Variants in TOM1L1 observed in about 807,000 individuals in gnomAD.
TOM1L1 encodes target of myb1 like 1 membrane trafficking protein, also known as TOM1-like protein 1.
In TOM1L1, 64 loss-of-function variants were observed where a neutral mutation model predicts 63.4. The ratio of observed to expected loss-of-function variants is 1.01; its 90% CI spans 0.83 to 1.24. The LOEUF (loss-of-function observed/expected upper bound fraction) is 1.24, where lower values mean the gene tolerates loss of function less well. Ranked by LOEUF, TOM1L1 falls within the 50% of genes most tolerant of loss-of-function variation. TOM1L1 has a pLI of 0.00. For synonymous variants in TOM1L1, 166 were observed against 194.4 expected (o/e 0.85, Z 1.22); for missense variants, 536 against 567.0 (o/e 0.95, Z 0.55).
rs767799069 is a variant in TOM1L1 at position 54,914,636 on chromosome 17, T to C, written c.499-3T>C. ...ATAATATTACCATGTTTCATACTCA[T>C]AGACTGCTCAAATCTCATCAAATCC... is the stretch of plus-strand genomic sequence containing the variant. On this transcript the variant is annotated splice_polypyrimidine_tract_variant and splice_region_variant and intron_variant, in intron 5 of 15. Transcript: ENST00000575882. 5 of 1,610,106 alleles carry C rather than the reference T, an allele frequency of 3.1e-6. No individual in the cohort carries two copies. The highest frequency in any genetic ancestry group is 2.7e-5 in the African/African-American group (2 of 74,844).
At chr17:54,957,579 G>A (rs1481497011) in intron 14 of TOM1L1, 1 of 152,166 alleles carries the variant, frequency 6.6e-6, no homozygotes, top group Non-Finnish European at 1.5e-5. Flanking sequence ...TATCACTGTG[G>A]TGGGTCTTTC....
chr17:54,951,280 T>C (rs184603249), intron 14 of TOM1L1, among the ~76,000 whole-genome samples: 4 of 152,176 alleles, frequency 2.6e-5, no homozygotes, highest in Non-Finnish European at 1.5e-5. Context: ...GGCCATGGAG[T>C]TTCCGTGCCC....
At chr17:54,906,022 T>G (rs1048980629) in intron 3 of TOM1L1, among the ~76,000 whole-genome samples, 2 of 151,968 alleles carry the variant, frequency 1.3e-5, no homozygotes, top group African/African-American at 4.8e-5. Flanking sequence ...GTTTAAAAAT[T>G]AGCCAGATGT....
At chr17:54,944,173 C>T (rs1472214083) in intron 11 of TOM1L1, among the ~76,000 whole-genome samples, 2 of 152,058 alleles carry the variant, frequency 1.3e-5, no homozygotes, top group East Asian at 1.9e-4. Context: ...AGTGGCCGGG[C>T]GTGGTGGCTC....
intron 8 of TOM1L1, 184 bp downstream of exon 8, chr17:54,930,390 T>G (rs2048839082): frequency 1.5e-6 from 1 of 667,646 alleles, no homozygotes; most frequent in African/African-American, 1.8e-5. Flanking sequence ...CAGTAAATGC[T>G]AGAGGTCTTT....
chr17:54,936,702 C>A lies in TOM1L1; in HGVS notation c.908C>A (p.Ala303Asp). The change falls in exon 9 of 16, where the codon GCC becomes GAC. Residue 303 changes from alanine to aspartate, a missense_variant. By Grantham distance (126) the Ala-to-Asp change is moderately radical. Coordinates refer to ENST00000575882, the MANE Select transcript of TOM1L1 (RefSeq NM_005486.3). ...ILEQNKNQKE[A>D]TNTTSEPSAP... is the part of the protein sequence containing the mutation. ...GAGCAAAATAAGAACCAGAAGGAAG[C>A]CACCAATGTAAGTGATGAGAAATGT... 1 of 1,605,638 alleles carries A rather than the reference C, an allele frequency of 6.2e-7. No individual in the cohort carries two copies. Among genetic ancestry groups the A allele is most frequent in the Non-Finnish European group, 8.5e-7 (1 of 1,176,952 alleles).
At chr17:54,908,085 C>G (rs2048441067) in intron 3 of TOM1L1, among the ~76,000 whole-genome samples, 1 of 152,196 alleles carries the variant, frequency 6.6e-6, no homozygotes, top group African/African-American at 2.4e-5. Flanking sequence ...CGCTGCCTTT[C>G]CCATTATCTG....
At chr17:54,956,060 T>C (rs1194527436) in intron 14 of TOM1L1, among the ~76,000 whole-genome samples, 2 of 152,028 alleles carry the variant, frequency 1.3e-5, no homozygotes, top group Non-Finnish European at 2.9e-5. Context: ...CAACCCTGGG[T>C]CTCATCTGGG....
chr17:54,961,145 C>T (rs2077112946), intron 15 of TOM1L1, 90 bp from the exon 16 acceptor site: 4 of 919,038 alleles, frequency 4.4e-6, no homozygotes, highest in Middle Eastern at 2.1e-4. Flanking sequence ...TGTGACTCTC[C>T]AGCTTCCCAG....
Position 54,961,609 on chromosome 17 carries a change from A to G in TOM1L1, c.*376A>G, listed in dbSNP as rs1407803536. 5.2e-6 allele frequency: 6 copies of G among 1,154,916 alleles called. No individual in the cohort carries two copies. The Admixed American group carries it at 1.4e-4, about 26-fold the overall frequency. 71.5% of individuals were successfully genotyped at this position (1,154,916 alleles called of 1,614,324 possible). A position where few individuals can be genotyped will look rare whatever the true frequency, so the allele number is the denominator to read the frequency against. ...TTTACTATGAAATAATTCTGAATAG[A>G]TGAAAGCATAAAATGTGAGAAACTG... On this transcript the variant is annotated 3_prime_UTR_variant, in exon 16 of 16. Coordinates refer to ENST00000575882, the MANE Select transcript of TOM1L1 (RefSeq NM_005486.3).
chr17:54,956,146 GTTA>G (rs750658631), intron 14 of TOM1L1, among the ~76,000 whole-genome samples: 15 of 152,214 alleles, frequency 9.9e-5, no homozygotes, highest in South Asian at 6.2e-4. Flanking sequence ...GAGAACACAG[GTTA>G]TTATTATTTT....
intron 12 of TOM1L1, among the ~76,000 whole-genome samples, chr17:54,948,825 C>A (rs1388140188): frequency 6.6e-6 from 1 of 152,136 alleles, no homozygotes; most frequent in Non-Finnish European, 1.5e-5. Context: ...TTTTATCAAT[C>A]CTGATTTTGT....
chr17:54,932,851 T>C (rs183994186), intron 8 of TOM1L1, among the ~76,000 whole-genome samples: 119 of 152,374 alleles, frequency 7.8e-4, no homozygotes, highest in Non-Finnish European at 3.5e-4. Context: ...GCCTTCTGGC[T>C]TTCATTTTGG....
At chr17:54,913,665 CA>C (rs58570485) in intron 4 of TOM1L1, 82 bp from the exon 5 acceptor site, 92,906 of 1,059,396 alleles carry the variant, frequency 0.088, 10 homozygotes, top group South Asian at 0.12. Flanking sequence ...GACTCTGTCT[CA>C]AAAAAAAAAA....
At chr17:54,921,958 G>A (rs1414083491) in intron 7 of TOM1L1, among the ~76,000 whole-genome samples, 2 of 152,226 alleles carry the variant, frequency 1.3e-5, no homozygotes, top group African/African-American at 4.8e-5. Context: ...TATGTTATGT[G>A]CTGTATTCTT....
At chr17:54,945,050 G>A (rs528838476) in intron 11 of TOM1L1, among the ~76,000 whole-genome samples, 3 of 152,136 alleles carry the variant, frequency 2.0e-5, no homozygotes, top group Admixed American at 6.5e-5. Flanking sequence ...CAACTATTAC[G>A]GGGACATCTG....
intron 3 of TOM1L1, among the ~76,000 whole-genome samples, chr17:54,909,112 A>T (rs1418958086): frequency 1.3e-5 from 2 of 152,080 alleles, no homozygotes; most frequent in African/African-American, 4.8e-5. Flanking sequence ...TACAAAAACT[A>T]GCCAGTCATG....
intron 7 of TOM1L1, 91 bp from the exon 8 acceptor site, chr17:54,929,982 G>A (rs756306631): frequency 9.7e-5 from 148 of 1,520,598 alleles, no homozygotes; most frequent in Non-Finnish European, 1.2e-4. Context: ...TAACGTGGAG[G>A]TGACTGTAGG....
rs1433992517 is a variant in TOM1L1 at position 54,936,722 on chromosome 17, A to T, written c.915+13A>T. 6.3e-7 allele frequency: 1 copy of T among 1,594,126 alleles called. No individual in the cohort carries two copies. Among genetic ancestry groups the T allele is most frequent in the African/African-American group, 1.4e-5 (1 of 73,626 alleles). The stretch of plus-strand genomic sequence containing the variant: ...GGAAGCCACCAATGTAAGTGATGAG[A>T]AATGTTATAAAATAAACAATTGAAC... On this transcript the variant is annotated intron_variant, in intron 9 of 15. Transcript: ENST00000575882.
Sources: gnomAD v4.1 joint callset for allele counts (sites outside exome capture counted in the v4.1 genomes callset) on GRCh38, gnomAD v4.1.1 for gene constraint, MANE v1.5 for transcripts, NCBI Gene and HGNC (gene_info 2026-07-23, HGNC 2026-07-21) for gene names.